CCSER1: variants seen among roughly 807,000 people sequenced by gnomAD.
CCSER1 encodes the protein serine-rich coiled-coil domain-containing protein 1.
CCSER1 carries 41 observed loss-of-function variants against 82.0 expected under a neutral mutation model. The observed-to-expected ratio is 0.50, with a 90% CI of 0.39 to 0.65. The LOEUF is 0.65. CCSER1 is among the 30% of genes least tolerant of loss of function. The pLI is 0.00. For missense variants in CCSER1, 1,119 were observed against 1,064.2 expected (o/e 1.05, Z -0.72); for synonymous variants, 414 against 383.9 (o/e 1.08, Z -0.92).
chr4:91,545,989 T>C (rs1355261683), intron 10 of CCSER1, among the ~76,000 whole-genome samples: 1 of 152,200 alleles, frequency 6.6e-6, no homozygotes, highest in Non-Finnish European at 1.5e-5. Context: ...GTTGGTATCA[T>C]GACTGGGTTT....
chr4:90,133,462 A>G (rs955832161), intron 1 of CCSER1, among the ~76,000 whole-genome samples: 2 of 152,200 alleles, frequency 1.3e-5, no homozygotes, highest in African/African-American at 4.8e-5. Flanking sequence ...TGGTTTTGGC[A>G]TATAGTAAGC....
chr4:90,660,325 A>G (rs757507226), intron 6 of CCSER1, among the ~76,000 whole-genome samples: 2 of 152,070 alleles, frequency 1.3e-5, no homozygotes, highest in African/African-American at 2.4e-5. Flanking sequence ...AATGATATCT[A>G]TGCATCATGG....
intron 1 of CCSER1, among the ~76,000 whole-genome samples, chr4:90,139,695 G>A (rs190230772): frequency 5.3e-5 from 8 of 152,272 alleles, no homozygotes; most frequent in Non-Finnish European, 1.0e-4. Flanking sequence ...GCTCATGCCT[G>A]TAATCCTAGC....
intron 10 of CCSER1, among the ~76,000 whole-genome samples, chr4:91,593,242 C>G (rs1048219384): frequency 3.3e-5 from 5 of 152,000 alleles, no homozygotes; most frequent in Middle Eastern, 3.4e-3. Context: ...TTTAAATTGC[C>G]CGTGCAATGT....
intron 6 of CCSER1, chr4:90,642,515 T>C (rs923208716): frequency 6.6e-6 from 1 of 152,206 alleles, no homozygotes; most frequent in African/African-American, 2.4e-5. Flanking sequence ...TAGATAGACA[T>C]TTACTATTTC....
intron 10 of CCSER1, among the ~76,000 whole-genome samples, chr4:91,174,405 AC>A (rs1172664894): frequency 6.6e-6 from 1 of 152,164 alleles, no homozygotes; most frequent in Non-Finnish European, 1.5e-5. Context: ...TTTCCAAAAA[AC>A]ATGACAGAGA....
At chr4:91,314,750 A>G (rs572316113) in intron 10 of CCSER1, among the ~76,000 whole-genome samples, 1 of 152,010 alleles carries the variant, frequency 6.6e-6, no homozygotes, top group Non-Finnish European at 1.5e-5. Flanking sequence ...TATCTTTTTT[A>G]AATCTCCATC....
At chr4:91,564,039 C>T (rs911414071) in intron 10 of CCSER1, among the ~76,000 whole-genome samples, 1 of 151,892 alleles carries the variant, frequency 6.6e-6, no homozygotes, top group African/African-American at 2.4e-5. Context: ...TCCCTACTCC[C>T]AGCCTCCCCC....
intron 7 of CCSER1, chr4:90,780,554 G>A: frequency 6.4e-7 from 1 of 1,568,740 alleles, no homozygotes; most frequent in South Asian, 1.2e-5. Context: ...TGAAAGGAAA[G>A]AATAAAGACT....
chr4:91,353,061 G>A (rs1748582328), intron 10 of CCSER1, among the ~76,000 whole-genome samples: 2 of 152,184 alleles, frequency 1.3e-5, no homozygotes, highest in Admixed American at 6.5e-5. Context: ...GTGAAAACCT[G>A]GGGGAACTGT....
chr4:91,416,997 C>G (rs561179335), intron 10 of CCSER1, among the ~76,000 whole-genome samples: 32 of 151,898 alleles, frequency 2.1e-4, no homozygotes, highest in Admixed American at 5.3e-4. Flanking sequence ...GGAGCTTAAA[C>G]AAATTTACAA....
chr4:90,372,467 A>T (rs979698991), intron 3 of CCSER1, among the ~76,000 whole-genome samples: 2 of 152,050 alleles, frequency 1.3e-5, no homozygotes, highest in Non-Finnish European at 2.9e-5. Flanking sequence ...TAAAAGCTAG[A>T]TTAGGGGGCT....
At chr4:90,937,504 A>ACACACACACAC (rs757870134) in intron 9 of CCSER1, among the ~76,000 whole-genome samples, 1,960 of 77,734 alleles carry the variant, frequency 0.025, 53 homozygotes, top group African/African-American at 0.073. Flanking sequence ...CACACACACA[A>ACACACACACAC]ACACACACAC....
chr4:90,390,047 C>T (rs539588425), intron 3 of CCSER1, among the ~76,000 whole-genome samples: 1 of 151,938 alleles, frequency 6.6e-6, no homozygotes, highest in African/African-American at 2.4e-5. Flanking sequence ...TTTACTCTAC[C>T]GGCATTTGAG....
chr4:90,992,680 G>A (rs1737146506), intron 9 of CCSER1, among the ~76,000 whole-genome samples: 1 of 151,776 alleles, frequency 6.6e-6, no homozygotes, highest in African/African-American at 2.4e-5. Flanking sequence ...GTGGTTGTAG[G>A]GCCGTTAGGT....
At chr4:91,418,222 A>G (rs1753482620) in intron 10 of CCSER1, among the ~76,000 whole-genome samples, 3 of 151,792 alleles carry the variant, frequency 2.0e-5, no homozygotes, top group Non-Finnish European at 1.5e-5. Context: ...GGAAAGAAAT[A>G]ATACAGATTA....
intron 6 of CCSER1, among the ~76,000 whole-genome samples, chr4:90,638,856 G>C (rs767776906): frequency 1.3e-5 from 2 of 152,090 alleles, no homozygotes; most frequent in Non-Finnish European, 2.9e-5. Context: ...TATTGCAGTG[G>C]TAAAGATTAC....
chr4:91,284,947 T>C (rs1743170013), intron 10 of CCSER1, among the ~76,000 whole-genome samples: 1 of 151,914 alleles, frequency 6.6e-6, no homozygotes, highest in Non-Finnish European at 1.5e-5. Context: ...AACAAAAAAA[T>C]ATGTACTTTA....
intron 1 of CCSER1, among the ~76,000 whole-genome samples, chr4:90,223,688 T>C (rs148735106): frequency 6.6e-6 from 1 of 152,334 alleles, no homozygotes; most frequent in Non-Finnish European, 1.5e-5. Flanking sequence ...GTTAAATGTA[T>C]ACACTGTTAA....
Sources: gnomAD v4.1 joint callset for allele counts (sites outside exome capture counted in the v4.1 genomes callset) on GRCh38, gnomAD v4.1.1 for gene constraint, MANE v1.5 for transcripts, NCBI Gene and HGNC (gene_info 2026-07-23, HGNC 2026-07-21) for gene names.